The following RNF10 variants were observed in gnomAD, a reference collection of about 807,000 sequenced individuals.
RNF10 encodes the protein E3 ubiquitin-protein ligase RNF10.
Under a neutral mutation model 91.4 loss-of-function variants are expected in RNF10, and 38 were observed. The observed-to-expected ratio is 0.42, with a 90% confidence interval of 0.32 to 0.54. RNF10 has a LOEUF of 0.54. Among genes scored for constraint, RNF10 ranks in the 20% least tolerant of loss-of-function variants. The pLI is 0.16. For synonymous variants in RNF10, 364 were observed against 366.3 expected (o/e 0.99, Z 0.07); for missense variants, 945 against 1,012.0 (o/e 0.93, Z 0.90).
At chr12:120,555,676 A>G (rs1344072478) in intron 4 of RNF10, among the ~76,000 whole-genome samples, 1 of 149,778 alleles carries the variant, frequency 6.7e-6, no homozygotes, top group Non-Finnish European at 1.5e-5. Flanking sequence ...ATTTTTTTTT[A>G]GTAGAGATGG....
intron 10 of RNF10, 79 bp from the exon 11 acceptor site, chr12:120,564,993 G>T: frequency 1.1e-6 from 1 of 872,462 alleles, no homozygotes; most frequent in Non-Finnish European, 1.9e-6. Flanking sequence ...TGTATATATT[G>T]TTGGATATCG....
chr12:120,560,547 A>G (rs1874698181), intron 6 of RNF10, among the ~76,000 whole-genome samples, 179 bp from the exon 7 acceptor site: 1 of 152,210 alleles, frequency 6.6e-6, no homozygotes, highest in South Asian at 2.1e-4. Context: ...GATTTCTTAT[A>G]TCAAGAGCAG....
At chr12:120,564,015 A>G (rs1875311550) in intron 10 of RNF10, 72 bp downstream of exon 10, 3 of 1,565,208 alleles carry the variant, frequency 1.9e-6, no homozygotes, top group African/African-American at 1.4e-5. Flanking sequence ...AGGCCTAGCC[A>G]TCCTAAGTTC....
chr12:120,575,541 T>C, intron 14 of RNF10, 90 bp from the exon 15 acceptor site: 1 of 1,388,506 alleles, frequency 7.2e-7, no homozygotes, highest in Non-Finnish European at 1.0e-6. Context: ...TAGTTGGTTC[T>C]GTGCCTCTCC....
Position 120,566,921 on chromosome 12 carries a change from C to T in RNF10, c.1982C>T (p.Thr661Ile). 1 of 1,613,932 alleles carries T rather than the reference C, an allele frequency of 6.2e-7. No homozygotes were observed. The highest frequency in any genetic ancestry group is 8.5e-7 in the Non-Finnish European group (1 of 1,179,938). The change falls in exon 13 of 17, where the codon ACC (threonine) becomes ATC (isoleucine). Residue 661 changes from threonine to isoleucine, a missense_variant. By Grantham distance (89) the Thr-to-Ile change is moderately conservative. Transcript: ENST00000325954. ...SSDSALGPTS[T>I]EGHGALSISP... ...GATTCTGCTTTGGGTCCCACCAGCA[C>T]CGAGGGCCATGGGGCCCTCTCCATT...
Position 120,560,776 on chromosome 12 carries a change from G to A in RNF10, c.1018G>A (p.Val340Met), listed in dbSNP as rs1321194429. 1 of 1,614,132 alleles carries A rather than the reference G, an allele frequency of 6.2e-7. No individual in the cohort carries two copies. The change falls in exon 7 of 17, where the codon GTG becomes ATG. Residue 340 changes from valine (V) to methionine (M), a missense_variant. Transcript: ENST00000325954. Reference protein sequence around the residue: ...SKLLLASKEQVLHRVVLEEKV... With the variant: ...SKLLLASKEQMLHRVVLEEKV... ...GTTGCTGCTGGCCTCTAAGGAGCAG[G>A]TGCTGCACCGGGTAGTTCTGGAGGA...
At chr12:120,546,381 T>C in intron 1 of RNF10, 24 bp from the exon 2 acceptor site, 1 of 1,597,824 alleles carries the variant, frequency 6.3e-7, no homozygotes, top group Non-Finnish European at 8.5e-7. Context: ...TCTTAAGACG[T>C]TCTTTTGTGT....
At chr12:120,556,245 T>C (rs1873981135) in intron 4 of RNF10, among the ~76,000 whole-genome samples, 1 of 151,902 alleles carries the variant, frequency 6.6e-6, no homozygotes, top group Non-Finnish European at 1.5e-5. Context: ...CCTTAAAGCT[T>C]GAACTCTCGC....
rs1873271982 is a variant in RNF10 at position 120,552,560 on chromosome 12, A to G, written c.416A>G (p.Asn139Ser). 1.9e-6 allele frequency: 3 copies of G among 1,614,186 alleles called. No homozygotes were observed. Among genetic ancestry groups the G allele is most frequent in the East Asian group, 4.5e-5 (2 of 44,888 alleles). Residue 139 changes from asparagine to serine, a missense_variant, in exon 3 of 17, where the codon AAC (asparagine) becomes AGC (serine). Coordinates refer to ENST00000325954, the MANE Select transcript of RNF10 (RefSeq NM_014868.5). ...CAGTTCTCTGGTCCTAAGAAGATCA[A>G]CCTGAACCACTTGTTGAATTTCACT... is the stretch of plus-strand genomic sequence containing the variant. ...PAQFSGPKKI[N>S]LNHLLNFTFE...
intron 10 of RNF10, among the ~76,000 whole-genome samples, chr12:120,564,291 CTT>C (rs1358078060): frequency 2.6e-5 from 4 of 152,090 alleles, no homozygotes; most frequent in South Asian, 2.1e-4. Context: ...AAATTAGACT[CTT>C]TGAGTACTAT....
intron 1 of RNF10, among the ~76,000 whole-genome samples, chr12:120,535,258 A>C (rs547964044): frequency 6.6e-6 from 1 of 152,338 alleles, no homozygotes; most frequent in South Asian, 2.1e-4. Context: ...TATTTGGCTC[A>C]CAGCAGGCCT....
At chr12:120,539,621 G>A (rs567026904) in intron 1 of RNF10, among the ~76,000 whole-genome samples, 2 of 152,310 alleles carry the variant, frequency 1.3e-5, no homozygotes, top group Admixed American at 6.5e-5. Context: ...CCTTAATTTG[G>A]TAATGGGGGG....
chr12:120,576,079 G>A (rs370942961), intron 16 of RNF10, 129 bp downstream of exon 16: 4 of 926,174 alleles, frequency 4.3e-6, no homozygotes, highest in African/African-American at 1.6e-5. Context: ...GCACACTCTA[G>A]TGTCATTTAA....
Position 120,571,397 on chromosome 12 carries a change from G to T in RNF10, c.2142+106G>T, listed in dbSNP as rs868180335. 4.2e-4 allele frequency: 339 copies of T among 815,854 alleles called. 5 individuals carry two copies. The highest frequency in any genetic ancestry group is 2.4e-3 in the Middle Eastern group (9 of 3,824). 50.5% of individuals were successfully genotyped at this position (815,854 alleles called of 1,614,324 possible). On this transcript the variant is annotated intron_variant, in intron 14 of 16. Transcript: ENST00000325954. ...GATTGTTACCTCTCATTCTAATACG[G>T]CTGGACAAATTGAGTCATCTGATGG...
chr12:120,552,606 G>A lies in RNF10; in HGVS notation c.462G>A (p.Thr154=), dbSNP rs1009702207. 5 of 1,614,150 alleles carry A rather than the reference G, an allele frequency of 3.1e-6. No individual in the cohort carries two copies. Among genetic ancestry groups the A allele is most frequent in the South Asian group, 1.1e-5 (1 of 91,084 alleles). ...TCACTTTTGAACCCCGTGGCCAGAC[G>A]GGTCACTTTGAAGGCAGTGGACATG... is the stretch of plus-strand genomic sequence containing the variant. ...LNFTFEPRGQ[T]GHFEGSGHGS... is the part of the protein sequence containing the mutation. Residue 154 remains threonine, a synonymous_variant, in exon 3 of 17, where the codon ACG becomes ACA. Coordinates refer to ENST00000325954, the MANE Select transcript of RNF10 (RefSeq NM_014868.5).
chr12:120,570,487 T>G (rs1314763947), intron 13 of RNF10, among the ~76,000 whole-genome samples: 1 of 152,150 alleles, frequency 6.6e-6, no homozygotes, highest in African/African-American at 2.4e-5. Flanking sequence ...ACCCGGCTTT[T>G]CTGAAAGTTT....
intron 13 of RNF10, among the ~76,000 whole-genome samples, chr12:120,568,479 C>CTTT (rs200277775): frequency 6.9e-6 from 1 of 144,516 alleles, no homozygotes; most frequent in Non-Finnish European, 1.5e-5. Context: ...TTATTAATTT[C>CTTT]TTTTTTTTTT....
chr12:120,570,974 C>T (rs1462421437), intron 13 of RNF10, among the ~76,000 whole-genome samples: 2 of 152,104 alleles, frequency 1.3e-5, no homozygotes, highest in Non-Finnish European at 2.9e-5. Context: ...AACGATGAAG[C>T]TCTTCCCTCT....
Position 120,577,344 on chromosome 12 carries a change from C to A in RNF10, c.*678C>A, listed in dbSNP as rs1016841167. 2.0e-5 allele frequency: 7 copies of A among 354,930 alleles called. No homozygotes were observed. Among genetic ancestry groups the A allele is most frequent in the African/African-American group, 4.4e-5 (2 of 45,420 alleles). 22.0% of individuals were successfully genotyped at this position (354,930 alleles called of 1,614,324 possible). On this transcript the variant is annotated 3_prime_UTR_variant, in exon 17 of 17. Transcript: ENST00000325954. ...TCACGAAGCCCTGAGACCTGCTACCCCTAAGATCGAGCTTGTTTTCAGTGA... is the reference window on the plus strand; with the variant it reads ...TCACGAAGCCCTGAGACCTGCTACCACTAAGATCGAGCTTGTTTTCAGTGA...
Sources: allele counts gnomAD v4.1 joint callset (sites outside exome capture counted in the v4.1 genomes callset), GRCh38; gene constraint gnomAD v4.1.1; transcripts MANE v1.5; gene names NCBI Gene and HGNC (gene_info 2026-07-23, HGNC 2026-07-21).